The following DARS1 variants were observed in gnomAD, a reference collection of about 807,000 sequenced individuals.
DARS1 encodes the protein aspartate--tRNA ligase, cytoplasmic.
In DARS1, 51 loss-of-function variants were observed where a neutral mutation model predicts 68.8. The ratio of observed to expected loss-of-function variants is 0.74; its 90% CI spans 0.59 to 0.94. The LOEUF (loss-of-function observed/expected upper bound fraction) is 0.94, where lower values mean the gene tolerates loss of function less well. Ranked by LOEUF, DARS1 falls within the 40% of genes least tolerant of loss-of-function variation. DARS1 has a pLI of 0.00. For synonymous variants in DARS1, 203 were observed against 190.4 expected (o/e 1.07, Z -0.55); for missense variants, 607 against 597.3 (o/e 1.02, Z -0.17).
chr2:135,939,097 C>T (rs1681537620), intron 5 of DARS1, among the ~76,000 whole-genome samples: 1 of 152,234 alleles, frequency 6.6e-6, no homozygotes, highest in Admixed American at 6.5e-5. Context: ...TTAGGCAGAT[C>T]AATGAGACAG....
intron 6 of DARS1, among the ~76,000 whole-genome samples, chr2:135,933,640 T>C (rs1681402702): frequency 6.6e-6 from 1 of 152,086 alleles, no homozygotes; most frequent in South Asian, 2.1e-4. Context: ...AATAAAGTAA[T>C]AAATATTTAA....
At chr2:135,908,707 GTCT>G (rs1254199061) in intron 15 of DARS1, among the ~76,000 whole-genome samples, 1 of 152,104 alleles carries the variant, frequency 6.6e-6, no homozygotes, top group African/African-American at 2.4e-5. Flanking sequence ...GCTCATAAAT[GTCT>G]TCTTTTGAGA....
At chr2:135,929,696 GA>G (rs1389622288) in intron 7 of DARS1, among the ~76,000 whole-genome samples, 6 of 152,150 alleles carry the variant, frequency 3.9e-5, no homozygotes, top group Non-Finnish European at 5.9e-5. Context: ...TTCTCTTAAA[GA>G]GTTGAGATTT....
chr2:135,971,100 C>T (rs1490669247), intron 3 of DARS1, among the ~76,000 whole-genome samples: 1 of 152,090 alleles, frequency 6.6e-6, no homozygotes, highest in Non-Finnish European at 1.5e-5. Flanking sequence ...TTCTAAGAGG[C>T]CAGTATTACC....
chr2:135,941,191 C>CTG (rs1426577746), intron 5 of DARS1, among the ~76,000 whole-genome samples: 1 of 152,182 alleles, frequency 6.6e-6, no homozygotes, highest in African/African-American at 2.4e-5. Flanking sequence ...AAAAAAGAGC[C>CTG]TGCATTGCGA....
intron 10 of DARS1, among the ~76,000 whole-genome samples, chr2:135,919,763 T>G (rs1483429744): frequency 6.6e-6 from 1 of 152,232 alleles, no homozygotes; most frequent in Non-Finnish European, 1.5e-5. Context: ...CATCTAATAT[T>G]TCTATAAATG....
chr2:135,942,227 C>T lies in DARS1; in HGVS notation c.423+1151G>A, dbSNP rs112394133. ...CACGTACGTTTATTGCGGCACTATT[C>T]GCAATAGCAAAAACTTGATACCAAC... On this transcript the variant is annotated intron_variant, in intron 5 of 15. Transcript: ENST00000264161. Among the ~76,000 whole-genome samples the T allele has an allele frequency of 7.5e-3, 1,145 of 152,118 alleles. 11 individuals carry two copies. Among genetic ancestry groups the T allele is most frequent in the African/African-American group, 0.026 (1,077 of 41,480 alleles).
chr2:135,942,504 T>A (rs1472055526), intron 5 of DARS1, among the ~76,000 whole-genome samples: 2 of 86,082 alleles, frequency 2.3e-5, no homozygotes, highest in African/African-American at 9.4e-5. Context: ...GGGCCTGTAG[T>A]GGGGTGGGGG....
chr2:135,906,578 CTTTA>C lies in DARS1; in HGVS notation c.*734_*737del, dbSNP rs1235425760. The C allele has an allele frequency of 1.3e-5, 2 of 152,226 alleles. No homozygotes were observed. Among genetic ancestry groups the C allele is most frequent in the East Asian group, 3.9e-4 (2 of 5,150 alleles). 9.4% of individuals were successfully genotyped at this position (152,226 alleles called of 1,614,324 possible). A position where few individuals can be genotyped will look rare whatever the true frequency, so the allele number is the denominator to read the frequency against. Reference sequence around the variant, plus strand: ...GAATACATGTTGACAACATATTAGTCTTTATTTATATAAACTAGTTGTGTATTTT... The same window carrying C: ...GAATACATGTTGACAACATATTAGTCTTTATATAAACTAGTTGTGTATTTT... On this transcript the variant is annotated 3_prime_UTR_variant, in exon 16 of 16. Transcript: ENST00000264161.
At chr2:135,962,609 T>C (rs1682125027) in intron 3 of DARS1, among the ~76,000 whole-genome samples, 1 of 152,196 alleles carries the variant, frequency 6.6e-6, no homozygotes, top group African/African-American at 2.4e-5. Flanking sequence ...GCAAACAAAG[T>C]GTCAACACAG....
chr2:135,961,606 C>CAT lies in DARS1; in HGVS notation c.218-110_218-109dup, dbSNP rs991629680. On this transcript the variant is annotated intron_variant, in intron 3 of 15. Coordinates refer to ENST00000264161, the MANE Select transcript of DARS1 (RefSeq NM_001349.4). ...AAAGTGGGCCAAAATTTACTATACT[C>CAT]ATCAGGCACGCATGCATGTGTATAC... The CAT allele has an allele frequency of 5.0e-5, 35 of 704,360 alleles. 1 individual carries two copies. The highest frequency in any genetic ancestry group is 4.4e-4 in the African/African-American group (25 of 56,656). 43.6% of individuals were successfully genotyped at this position (704,360 alleles called of 1,614,324 possible).
chr2:135,958,332 G>C (rs114164361), intron 4 of DARS1, among the ~76,000 whole-genome samples: 3,180 of 152,268 alleles, frequency 0.021, 49 homozygotes, highest in South Asian at 0.032. Context: ...GCCTAAACAA[G>C]TGACCTCAAA....
chr2:135,931,062 C>T (rs1681332057), intron 7 of DARS1, among the ~76,000 whole-genome samples: 1 of 152,104 alleles, frequency 6.6e-6, no homozygotes, highest in Non-Finnish European at 1.5e-5. Context: ...AGAGAGAAAA[C>T]CATTCATATA....
rs183922340 is a variant in DARS1, at chr2:135,957,253, A to T, written c.320+4143T>A. Among the ~76,000 whole-genome samples, 649 of 150,264 alleles carry T rather than the reference A, an allele frequency of 4.3e-3. 2 individuals carry two copies. Among genetic ancestry groups the T allele is most frequent in the African/African-American group, 0.014 (572 of 40,720 alleles). ...CTAATTTTTTTTTTTTTTGAGACGGAGTCTCGCTCTGTCGCCCAGGCTGGA... is the reference window on the plus strand; with the variant it reads ...CTAATTTTTTTTTTTTTTGAGACGGTGTCTCGCTCTGTCGCCCAGGCTGGA... On this transcript the variant is annotated intron_variant, in intron 4 of 15. Transcript: ENST00000264161.
intron 8 of DARS1, among the ~76,000 whole-genome samples, chr2:135,923,909 C>T (rs1213048895): frequency 6.6e-6 from 1 of 151,952 alleles, no homozygotes; most frequent in African/African-American, 2.4e-5. Flanking sequence ...CCCAGCTACT[C>T]GGGAGGCTGA....
intron 4 of DARS1, among the ~76,000 whole-genome samples, chr2:135,948,855 G>T (rs1390029014): frequency 6.7e-6 from 1 of 149,070 alleles, no homozygotes; most frequent in Non-Finnish European, 1.5e-5. Flanking sequence ...AGGTGACAAA[G>T]CGAGACTCCG....
intron 2 of DARS1, among the ~76,000 whole-genome samples, chr2:135,980,279 A>G (rs1682594866): frequency 6.6e-6 from 1 of 152,262 alleles, no homozygotes; most frequent in Non-Finnish European, 1.5e-5. Flanking sequence ...AACATTCAAC[A>G]ATCATTTTTG....
intron 5 of DARS1, 158 bp downstream of exon 5, chr2:135,943,219 TG>T: frequency 9.7e-7 from 1 of 1,027,124 alleles, no homozygotes; most frequent in Non-Finnish European, 1.4e-6. Context: ...CACTAAGTAC[TG>T]GGGTGATTTG....
chr2:135,908,238 T>C (rs886129874), intron 15 of DARS1, among the ~76,000 whole-genome samples: 2 of 152,224 alleles, frequency 1.3e-5, no homozygotes, highest in East Asian at 1.9e-4. Context: ...TGCTTTCCTG[T>C]AGGGAGGCGA....
Sources: allele counts gnomAD v4.1 joint callset (sites outside exome capture counted in the v4.1 genomes callset), GRCh38; gene constraint gnomAD v4.1.1; transcripts MANE v1.5; gene names NCBI Gene and HGNC (gene_info 2026-07-23, HGNC 2026-07-21).